Variants in TRPS1 observed in about 807,000 individuals in gnomAD.
The protein encoded by TRPS1 is transcriptional repressor GATA binding 1.
Under a neutral mutation model 101.2 loss-of-function variants are expected in TRPS1, and 6 were observed. That is an observed-to-expected ratio of 0.06 (90% CI 0.03 to 0.12). The LOEUF is 0.12. Among genes scored for constraint, TRPS1 ranks in the 10% least tolerant of loss-of-function variants. TRPS1 has a pLI of 1.00. For synonymous variants in TRPS1, 578 were observed against 589.8 expected (o/e 0.98, Z 0.29); for missense variants, 1,363 against 1,567.0 (o/e 0.87, Z 2.20).
At chr8:115,547,750 C>T (rs892448198) in intron 5 of TRPS1, among the ~76,000 whole-genome samples, 1 of 152,122 alleles carries the variant, frequency 6.6e-6, no homozygotes, top group South Asian at 2.1e-4. Flanking sequence ...TTATCTTAGC[C>T]ATCTCTCCAC....
intron 5 of TRPS1, among the ~76,000 whole-genome samples, chr8:115,542,745 T>C (rs1191584302): frequency 1.3e-5 from 2 of 152,090 alleles, no homozygotes; most frequent in Non-Finnish European, 2.9e-5. Flanking sequence ...CTCACAGACA[T>C]GTTGTGAGGA....
chr8:115,454,698 G>A (rs1253028016), intron 5 of TRPS1, among the ~76,000 whole-genome samples: 3 of 152,016 alleles, frequency 2.0e-5, no homozygotes, highest in Non-Finnish European at 4.4e-5. Flanking sequence ...GAATTATTTT[G>A]AAATATAGAG....
rs67505193 is a variant in TRPS1, at chr8:115,498,415, C to CTATA, written c.2701-79967_2701-79964dup. Among the ~76,000 whole-genome samples the CTATA allele has an allele frequency of 4.2e-3, 166 of 39,310 alleles. 2 individuals carry two copies. The highest frequency in any genetic ancestry group is 7.1e-3 in the South Asian group (6 of 850). 25.8% of individuals were successfully genotyped at this position (39,310 alleles called of 152,430 possible). ...TCTCTCTCTCTCTCTCTCTCTCTCT[C>CTATA]TATATATATATATATATATATATAT... On this transcript the variant is annotated intron_variant, in intron 5 of 6. Coordinates refer to ENST00000395715, the MANE Select transcript of TRPS1 (RefSeq NM_014112.5).
At chr8:115,428,354 CAT>C (rs1447089633) in intron 5 of TRPS1, among the ~76,000 whole-genome samples, 1 of 152,142 alleles carries the variant, frequency 6.6e-6, no homozygotes, top group Non-Finnish European at 1.5e-5. Context: ...TTATACTTCT[CAT>C]ATGTGATATA....
Position 115,579,745 on chromosome 8 carries a change from G to A in TRPS1, c.2700+7256C>T, listed in dbSNP as rs887278399. ...ATATAAATTTCCATGGTAGAAAATG[G>A]TTTATCCTTTTCCTAATTAATATGT... On this transcript the variant is annotated intron_variant, in intron 5 of 6. Coordinates refer to ENST00000395715, the MANE Select transcript of TRPS1 (RefSeq NM_014112.5). Among the ~76,000 whole-genome samples the A allele has an allele frequency of 2.6e-5, 4 of 151,944 alleles. No homozygotes were observed. In the South Asian group the frequency reaches 8.3e-4, roughly 31 times the overall value.
chr8:115,461,323 A>T (rs1270310584), intron 5 of TRPS1, among the ~76,000 whole-genome samples: 2 of 152,022 alleles, frequency 1.3e-5, no homozygotes, highest in Non-Finnish European at 2.9e-5. Flanking sequence ...ATACATACAT[A>T]CATACATACA....
At chr8:115,439,587 T>C (rs1813539797) in intron 5 of TRPS1, among the ~76,000 whole-genome samples, 2 of 152,212 alleles carry the variant, frequency 1.3e-5, no homozygotes, top group South Asian at 2.1e-4. Context: ...TTTTCCTCAT[T>C]AGCCACAGGG....
At chr8:115,646,773 T>G (rs1326555098) in intron 1 of TRPS1, among the ~76,000 whole-genome samples, 2 of 152,188 alleles carry the variant, frequency 1.3e-5, no homozygotes, top group African/African-American at 4.8e-5. Context: ...AGTATTATTT[T>G]TATCATAAGG....
At position 115,453,270 on chromosome 8, in the gene TRPS1, C is replaced by T. The variant is rs765334455; in HGVS notation, c.2701-34818G>A. Among the ~76,000 whole-genome samples, 10 of 152,238 alleles carry T rather than the reference C, an allele frequency of 6.6e-5. 1 individual carries two copies. Among genetic ancestry groups the T allele is most frequent in the African/African-American group, 2.4e-4 (10 of 41,548 alleles). ...TTCTGACCTTGTGATCTGCCCTCCT[C>T]GGCCTCCCAAAGTGCTGGGATTACA... On this transcript the variant is annotated intron_variant, in intron 5 of 6. Transcript: ENST00000395715.
intron 5 of TRPS1, among the ~76,000 whole-genome samples, chr8:115,471,821 G>C (rs1361262811): frequency 1.3e-5 from 2 of 152,174 alleles, no homozygotes; most frequent in Non-Finnish European, 2.9e-5. Context: ...AAATCCACTA[G>C]GGCAGCCAAA....
intron 1 of TRPS1, among the ~76,000 whole-genome samples, chr8:115,624,204 T>A (rs768746877): frequency 6.6e-6 from 1 of 151,974 alleles, no homozygotes; most frequent in African/African-American, 2.4e-5. Context: ...ATCATCCTAC[T>A]ACATAGCAAT....
intron 5 of TRPS1, among the ~76,000 whole-genome samples, chr8:115,436,426 T>C (rs2129857729): frequency 6.6e-6 from 1 of 152,278 alleles, no homozygotes; most frequent in East Asian, 1.9e-4. Flanking sequence ...CAAACCAATG[T>C]CCTCAAATAG....
intron 4 of TRPS1, among the ~76,000 whole-genome samples, chr8:115,591,350 G>C (rs905093926): frequency 1.3e-5 from 2 of 152,124 alleles, no homozygotes; most frequent in Non-Finnish European, 2.9e-5. Flanking sequence ...TGAAGGAATA[G>C]GGGTCGCTTA....
chr8:115,518,054 C>G (rs1299238740), intron 5 of TRPS1, among the ~76,000 whole-genome samples: 8 of 120 alleles, frequency 0.067, no homozygotes, highest in Non-Finnish European at 0.14. Flanking sequence ...GGCCAGAGGT[C>G]ATATCCCAGA....
intron 5 of TRPS1, among the ~76,000 whole-genome samples, chr8:115,477,639 G>A (rs1814638945): frequency 1.3e-5 from 2 of 152,178 alleles, no homozygotes. Flanking sequence ...ACCAGGTCAT[G>A]TCTTTGAGGT....
chr8:115,462,054 G>A (rs769869190), intron 5 of TRPS1, among the ~76,000 whole-genome samples: 3 of 152,006 alleles, frequency 2.0e-5, no homozygotes, highest in Admixed American at 6.6e-5. Context: ...AAAATTTAAC[G>A]TATATCATTC....
intron 5 of TRPS1, among the ~76,000 whole-genome samples, chr8:115,507,002 A>G (rs1815460867): frequency 6.6e-6 from 1 of 152,134 alleles, no homozygotes; most frequent in Admixed American, 6.6e-5. Context: ...GGTTAAAAAT[A>G]AAGATGGCTT....
chr8:115,597,511 A>T (rs891437100), intron 4 of TRPS1, among the ~76,000 whole-genome samples: 1 of 152,034 alleles, frequency 6.6e-6, no homozygotes, highest in African/African-American at 2.4e-5. Flanking sequence ...ACTGCTCTAT[A>T]TGTGCTTCAA....
intron 5 of TRPS1, among the ~76,000 whole-genome samples, chr8:115,565,984 A>T (rs2130381821): frequency 6.6e-6 from 1 of 152,276 alleles, no homozygotes; most frequent in Non-Finnish European, 1.5e-5. Context: ...CTGTTTACCT[A>T]ATCTTGTACC....
Sources: gnomAD v4.1 joint callset for allele counts (sites outside exome capture counted in the v4.1 genomes callset) on GRCh38, gnomAD v4.1.1 for gene constraint, MANE v1.5 for transcripts, NCBI Gene and HGNC (gene_info 2026-07-23, HGNC 2026-07-21) for gene names.